The following GALNT15 variants were observed in gnomAD, a reference collection of about 807,000 sequenced individuals.
GALNT15 encodes UDP-GalNAc transferase T15.
A neutral mutation model predicts 66.8 loss-of-function variants in GALNT15; 67 were observed. The ratio of observed to expected loss-of-function variants is 1.00; its 90% CI spans 0.82 to 1.23. The LOEUF is 1.23. Ranked by LOEUF, GALNT15 falls within the 50% of genes most tolerant of loss-of-function variation. GALNT15 has a pLI of 0.00. For synonymous variants in GALNT15, 313 were observed against 311.5 expected (o/e 1.00, Z -0.05); for missense variants, 827 against 804.3 (o/e 1.03, Z -0.34).
At chr3:16,232,469 AATATATATAT>A (rs374444719), downstream of GALNT15, among the ~76,000 whole-genome samples, 20 of 38,746 alleles carry the variant, frequency 5.2e-4, no homozygotes, top group East Asian at 3.1e-3. Context: ...TAAATAAATA[AATATATATAT>A]ATATATATAT....
chr3:16,247,449 A>C, the GALNT15 span, among the ~76,000 whole-genome samples: 7 of 152,360 alleles, frequency 4.6e-5, no homozygotes, highest in Admixed American at 4.6e-4. Context: ...TGCCGTCTGC[A>C]TTGAGCGCCG....
In GALNT15 at chr3:16,184,642, C is replaced by T. The variant is rs1311510641; in HGVS notation, c.539+8952C>T. Reference sequence around the variant, plus strand: ...TAAACTCCATGCTATTAGGGGCTATCTTAGTTTAGGTTTCCCCTAAAGAAG... The same window carrying T: ...TAAACTCCATGCTATTAGGGGCTATTTTAGTTTAGGTTTCCCCTAAAGAAG... On this transcript the variant is annotated intron_variant, in intron 1 of 9. Coordinates refer to ENST00000339732, the MANE Select transcript of GALNT15 (RefSeq NM_054110.5). This position sits in a 1 kb window ranked among gnomAD's most constrained non-coding sequence, Gnocchi z 5.0. Among the ~76,000 whole-genome samples the T allele has an allele frequency of 6.6e-6, 1 of 152,162 alleles. No homozygotes were observed. The highest frequency in any genetic ancestry group is 2.1e-4 in the South Asian group (1 of 4,830).
intron 3 of GALNT15, 144 bp from the exon 4 acceptor site, chr3:16,208,359 C>T: frequency 1.6e-6 from 1 of 627,994 alleles, no homozygotes; most frequent in East Asian, 2.7e-5. Flanking sequence ...GTATTTTACA[C>T]TTACTCCACA....
rs1029795044 is a variant in GALNT15 at position 16,184,863 on chromosome 3, G to C, written c.539+9173G>C. Reference sequence around the variant, plus strand: ...TCCTACCCTCTGCCCTTAGGGGTGAGGGTGCTGGGTGTTTAATAAACCAAC... The same window carrying C: ...TCCTACCCTCTGCCCTTAGGGGTGACGGTGCTGGGTGTTTAATAAACCAAC... On this transcript the variant is annotated intron_variant, in intron 1 of 9. Transcript: ENST00000339732. The surrounding 1 kb of genome is among the most constrained non-coding windows in gnomAD (Gnocchi z 5.0). Among the ~76,000 whole-genome samples the C allele has an allele frequency of 1.3e-5, 2 of 152,182 alleles. No individual in the cohort carries two copies. The highest frequency in any genetic ancestry group is 2.9e-5 in the Non-Finnish European group (2 of 68,024).
Position 16,209,531 on chromosome 3 carries a change from C to T in GALNT15, c.1079+861C>T, listed in dbSNP as rs2063790485. 6.6e-6 allele frequency among the ~76,000 whole-genome samples: 1 copy of T among 152,166 alleles called. No individual in the cohort carries two copies. The highest frequency in any genetic ancestry group is 2.4e-5 in the African/African-American group (1 of 41,440). On this transcript the variant is annotated intron_variant, in intron 4 of 9. Transcript: ENST00000339732. The surrounding 1 kb of genome is among the most constrained non-coding windows in gnomAD (Gnocchi z 4.1). Reference sequence around the variant, plus strand: ...AACATTTGTTTAATAATTCATTAGGCAGCAGGCCAGATGCAGTGACTCATG... The same window carrying T: ...AACATTTGTTTAATAATTCATTAGGTAGCAGGCCAGATGCAGTGACTCATG...
chr3:16,210,713 G>C (rs2063803534), intron 4 of GALNT15, among the ~76,000 whole-genome samples: 2 of 152,182 alleles, frequency 1.3e-5, no homozygotes, highest in South Asian at 4.1e-4. Flanking sequence ...AGAAGAGGGT[G>C]AGAAAAAGAA....
chr3:16,220,141 G>A (rs901704590), intron 8 of GALNT15, 127 bp downstream of exon 8: 20 of 729,662 alleles, frequency 2.7e-5, no homozygotes, highest in Middle Eastern at 4.9e-4. Context: ...TCCCTTGACT[G>A]CCATGGTCCC....
At chr3:16,244,359 C>T in the GALNT15 span, among the ~76,000 whole-genome samples, 20 of 152,164 alleles carry the variant, frequency 1.3e-4, no homozygotes, top group Admixed American at 3.3e-4. Flanking sequence ...AGCCTGGCTG[C>T]CAGGAAGGAG....
chr3:16,178,692 C>T (rs1233425545), intron 1 of GALNT15, among the ~76,000 whole-genome samples: 2 of 152,214 alleles, frequency 1.3e-5, no homozygotes, highest in East Asian at 3.8e-4. Flanking sequence ...CCCAGGGTGA[C>T]AGGACTCTTC....
intron 3 of GALNT15, among the ~76,000 whole-genome samples, chr3:16,201,349 T>C (rs969186091): frequency 6.6e-6 from 1 of 151,862 alleles, no homozygotes; most frequent in Non-Finnish European, 1.5e-5. Context: ...ACCCGGCTAA[T>C]TTTTTGTATT....
intron 1 of GALNT15, among the ~76,000 whole-genome samples, chr3:16,194,567 C>A (rs1236027155): frequency 2.6e-5 from 4 of 152,154 alleles, no homozygotes; most frequent in Non-Finnish European, 4.4e-5. Flanking sequence ...GTAGTGAAGT[C>A]ACGGAATCAA....
Position 16,208,656 on chromosome 3 carries a change from C to A in GALNT15, c.1065C>A (p.Pro355=), listed in dbSNP as rs2063782798. The A allele has an allele frequency of 2.5e-6, 4 of 1,613,962 alleles. No homozygotes were observed. Among genetic ancestry groups the A allele is most frequent in the Non-Finnish European group, 3.4e-6 (4 of 1,179,960 alleles). The change falls in exon 4 of 10, where the codon CCC becomes CCA. Residue 355 remains proline (P), a synonymous_variant. Transcript: ENST00000339732. ...PEHVRKALQS[P]ISPIRSPVVP... ...ATGTGAGGAAGGCCCTCCAGTCCCC[C>A]ATAAGCCCCATCAGGTGAGTCCCCA...
At position 16,184,719 on chromosome 3, in the gene GALNT15, G is replaced by A. The variant is rs1210667727; in HGVS notation, c.539+9029G>A. Among the ~76,000 whole-genome samples, 1 of 152,184 alleles carries A rather than the reference G, an allele frequency of 6.6e-6. No individual in the cohort carries two copies. The highest frequency in any genetic ancestry group is 1.5e-5 in the Non-Finnish European group (1 of 68,028). On this transcript the variant is annotated intron_variant, in intron 1 of 9. Transcript: ENST00000339732. This position sits in a 1 kb window ranked among gnomAD's most constrained non-coding sequence, Gnocchi z 5.0. ...GGTTATCCCAAGAAGCACGGGTAGG[G>A]GCTCAGGAAAGCGGAGCAGAGATGC...
intron 6 of GALNT15, among the ~76,000 whole-genome samples, chr3:16,214,377 G>C (rs535847413): frequency 6.6e-6 from 1 of 152,226 alleles, no homozygotes; most frequent in African/African-American, 2.4e-5. Flanking sequence ...TATATGATCC[G>C]AAAGTTACTT....
chr3:16,212,462 T>C (rs1457001947), intron 5 of GALNT15, 107 bp from the exon 6 acceptor site: 1 of 996,914 alleles, frequency 1.0e-6, no homozygotes, highest in Non-Finnish European at 1.5e-6. Flanking sequence ...CATTGAGTGC[T>C]CACGATTTCC....
At chr3:16,199,702 C>CGCAG (rs2063678591) in intron 2 of GALNT15, among the ~76,000 whole-genome samples, 1 of 97,324 alleles carries the variant, frequency 1.0e-5, no homozygotes, top group African/African-American at 3.8e-5. Flanking sequence ...ATGGGGGACT[C>CGCAG]TGGAGCACAG....
intron 4 of GALNT15, 139 bp downstream of exon 4, chr3:16,208,809 T>C: frequency 1.3e-6 from 1 of 759,638 alleles, no homozygotes; most frequent in African/African-American, 1.7e-5. Context: ...TTTCAGTAAA[T>C]TGAGAGCAAT....
Position 16,189,817 on chromosome 3 carries a change from A to G in GALNT15, c.540-5943A>G, listed in dbSNP as rs529476741. ...AGCAACATGAGTTTAAGTAAATTGT[A>G]TGTTCAAGATGGATTAATGGAGTCA... On this transcript the variant is annotated intron_variant, in intron 1 of 9. Coordinates refer to ENST00000339732, the MANE Select transcript of GALNT15 (RefSeq NM_054110.5). The surrounding 1 kb of genome is among the most constrained non-coding windows in gnomAD (Gnocchi z 5.1). Among the ~76,000 whole-genome samples the G allele has an allele frequency of 6.6e-6, 1 of 152,318 alleles. No homozygotes were observed. Among genetic ancestry groups the G allele is most frequent in the Admixed American group, 6.5e-5 (1 of 15,304 alleles).
In GALNT15 at chr3:16,211,177, A is replaced by C; in HGVS notation, c.1133A>C (p.Asn378Thr). Residue 378 changes from asparagine to threonine, a missense_variant, in exon 5 of 10, where the codon AAC (asparagine) becomes ACC (threonine). Asn to Thr is a moderately conservative substitution (Grantham distance 65). Coordinates refer to ENST00000339732, the MANE Select transcript of GALNT15 (RefSeq NM_054110.5). The surrounding 1 kb of genome is among the most constrained non-coding windows in gnomAD (Gnocchi z 4.3). ...VVAMDRHYFQ[N>T]TGAYDSLMSL... The stretch of plus-strand genomic sequence containing the variant: ...GCCATGGACAGACATTACTTCCAAA[A>C]CACTGGAGCGTATGACTCTCTTATG... 1 of 1,614,044 alleles carries C rather than the reference A, an allele frequency of 6.2e-7. No homozygotes were observed.
Sources: gnomAD v4.1 joint callset for allele counts (sites outside exome capture counted in the v4.1 genomes callset) on GRCh38, gnomAD v4.1.1 for gene constraint, Gnocchi (gnomAD v3.1) non-coding constraint, MANE v1.5 for transcripts, NCBI Gene and HGNC (gene_info 2026-07-23, HGNC 2026-07-21) for gene names.